The following BTBD9 variants were observed in gnomAD, a reference collection of about 807,000 sequenced individuals.
BTBD9 encodes the protein BTB/POZ domain-containing protein 9.
Under a neutral mutation model 64.3 loss-of-function variants are expected in BTBD9, and 49 were observed. The ratio of observed to expected loss-of-function variants is 0.76; its 90% CI spans 0.61 to 0.97. BTBD9 has a LOEUF of 0.97. Among genes scored for constraint, BTBD9 ranks in the 50% least tolerant of loss-of-function variants. The pLI, the probability that BTBD9 is intolerant of heterozygous loss-of-function variation, is 0.00. For missense variants in BTBD9, 598 were observed against 762.1 expected, an observed-to-expected ratio of 0.78 and a Z score of 2.53; for synonymous variants, 260 against 274.7, an observed-to-expected ratio of 0.95 and a Z score of 0.53.
chr6:38,410,904 A>T (rs2127257958), intron 6 of BTBD9, among the ~76,000 whole-genome samples: 1 of 152,274 alleles, frequency 6.6e-6, no homozygotes, highest in South Asian at 2.1e-4. Flanking sequence ...TCATGTCATG[A>T]ATTCACATAT....
intron 6 of BTBD9, among the ~76,000 whole-genome samples, chr6:38,516,736 T>C (rs907565512): frequency 6.6e-6 from 1 of 152,214 alleles, no homozygotes; most frequent in Non-Finnish European, 1.5e-5. Context: ...GTGTAGTATC[T>C]ATTAAGCAGT....
rs547645984 is a variant in BTBD9, at chr6:38,210,256, C to T, written c.1563-17659G>A. 2.6e-5 allele frequency among the ~76,000 whole-genome samples: 4 copies of T among 152,232 alleles called. No individual in the cohort carries two copies. The South Asian group carries it at 6.2e-4, about 24-fold the overall frequency. On this transcript the variant is annotated intron_variant, in intron 9 of 10. Transcript: ENST00000481247. ...TATTTAATTACATTTTAACTATATT[C>T]GTCTTCGATAATAGCACGAACATAA...
chr6:38,345,205 C>G (rs1442721125), intron 6 of BTBD9, 112 bp from the exon 7 acceptor site: 4 of 565,944 alleles, frequency 7.1e-6, no homozygotes, highest in African/African-American at 1.8e-5. Context: ...AGGATATAGA[C>G]CAAAGGAGAC....
chr6:38,564,635 T>C (rs1470722642), intron 6 of BTBD9, among the ~76,000 whole-genome samples: 1 of 152,114 alleles, frequency 6.6e-6, no homozygotes, highest in Non-Finnish European at 1.5e-5. Flanking sequence ...ACGCCTGTAA[T>C]CCCAGCACTT....
rs1766800472 is a variant in BTBD9 at position 38,171,880 on chromosome 6, A to AAAAAAAATAAT, written c.*3104_*3105insATTATTTTTTT. 1 of 89,560 alleles carries AAAAAAAATAAT rather than the reference A, an allele frequency of 1.1e-5. No homozygotes were observed. Among genetic ancestry groups the AAAAAAAATAAT allele is most frequent in the Non-Finnish European group, 2.0e-5 (1 of 50,206 alleles). The allele number at this position is 89,560 out of a possible 1,614,324, so 5.5% of individuals were successfully genotyped here. Reference sequence around the variant, plus strand: ...AAAAAAAAAAAAAAAAAAAAAAAAAAAATAATAATAATAATAATAATAATA... The same window carrying AAAAAAAATAAT: ...AAAAAAAAAAAAAAAAAAAAAAAAAAAAAAAAATAATAATAATAATAATAATAATAATAATA... On this transcript the variant is annotated 3_prime_UTR_variant, in exon 11 of 11. Transcript: ENST00000481247.
At chr6:38,606,520 G>A (rs543653564) in intron 1 of BTBD9, among the ~76,000 whole-genome samples, 137 of 152,122 alleles carry the variant, frequency 9.0e-4, no homozygotes, top group African/African-American at 3.1e-3. Context: ...TAAATCATTT[G>A]AAACATACAA....
At position 38,609,202 on chromosome 6, in the gene BTBD9, AAAAC is replaced by A. The variant is rs1234325665; in HGVS notation, c.-27-11085_-27-11082del. On this transcript the variant is annotated intron_variant, in intron 1 of 10. Coordinates refer to ENST00000481247, the MANE Select transcript of BTBD9 (RefSeq NM_001099272.2). Reference sequence around the variant, plus strand: ...CAACAAAATGAAACCTCATCTCTTCAAAACAAACAAACAAAAAACTAGCCAGGCA... The same window carrying A: ...CAACAAAATGAAACCTCATCTCTTCAAAACAAACAAAAAACTAGCCAGGCA... Among the ~76,000 whole-genome samples the A allele has an allele frequency of 2.0e-5, 3 of 152,242 alleles. No individual in the cohort carries two copies. In the South Asian group the frequency reaches 6.2e-4, roughly 32 times the overall value.
chr6:38,417,392 T>G lies in BTBD9; in HGVS notation c.1155-72299A>C, dbSNP rs1767714551. Among the ~76,000 whole-genome samples the G allele has an allele frequency of 2.0e-5, 3 of 152,196 alleles. No homozygotes were observed. In the South Asian group the frequency reaches 6.2e-4, roughly 32 times the overall value. ...CTAATTCACATGTAAAAGTTAACTG[T>G]TTTTAAATCCATATCCTTGCCTAGA... is the stretch of plus-strand genomic sequence containing the variant. On this transcript the variant is annotated intron_variant, in intron 6 of 10. Transcript: ENST00000481247.
At chr6:38,264,008 G>A (rs747590716) in intron 8 of BTBD9, among the ~76,000 whole-genome samples, 4 of 152,296 alleles carry the variant, frequency 2.6e-5, no homozygotes, top group Middle Eastern at 3.4e-3. Context: ...AGCAGGGGTG[G>A]TGGGAAACCT....
In BTBD9 at chr6:38,392,627, T is replaced by G. The variant is rs1471638055; in HGVS notation, c.1155-47534A>C. 2.0e-5 allele frequency among the ~76,000 whole-genome samples: 3 copies of G among 152,120 alleles called. No individual in the cohort carries two copies. In the East Asian group the frequency reaches 5.8e-4, roughly 29 times the overall value. Reference sequence around the variant, plus strand: ...CATTTGCCATACTAAAAAGAAAAAGTTTCAGAGATATAAAGTAACCTGTCC... The same window carrying G: ...CATTTGCCATACTAAAAAGAAAAAGGTTCAGAGATATAAAGTAACCTGTCC... On this transcript the variant is annotated intron_variant, in intron 6 of 10. Transcript: ENST00000481247.
At chr6:38,439,055 A>G (rs1768891138) in intron 6 of BTBD9, among the ~76,000 whole-genome samples, 1 of 151,850 alleles carries the variant, frequency 6.6e-6, no homozygotes. Flanking sequence ...AGACAGTCCA[A>G]GAGAAGACAG....
At position 38,619,683 on chromosome 6, in the gene BTBD9, A is replaced by C. The variant is rs188300192; in HGVS notation, c.-28+20117T>G. ...GTAAGTTTAATCATTGAGGGCCAGG[A>C]AATTGACTGTCTCCTGGACACTGGC... On this transcript the variant is annotated intron_variant, in intron 1 of 10. Transcript: ENST00000481247. Among the ~76,000 whole-genome samples, 244 of 152,324 alleles carry C rather than the reference A, an allele frequency of 1.6e-3. 3 individuals carry two copies. Among genetic ancestry groups the C allele is most frequent in the African/African-American group, 5.7e-3 (238 of 41,578 alleles).
intron 6 of BTBD9, among the ~76,000 whole-genome samples, chr6:38,547,561 A>G (rs1422690412): frequency 6.6e-6 from 1 of 152,178 alleles, no homozygotes; most frequent in African/African-American, 2.4e-5. Context: ...CTCCATCCAC[A>G]TTGTCCAACC....
intron 9 of BTBD9, among the ~76,000 whole-genome samples, chr6:38,200,267 G>A (rs1366880126): frequency 6.6e-6 from 1 of 152,188 alleles, no homozygotes; most frequent in African/African-American, 2.4e-5. Flanking sequence ...CACTGCAAAA[G>A]CAGTACTCAG....
chr6:38,215,580 T>C (rs1762986855), intron 9 of BTBD9, among the ~76,000 whole-genome samples: 2 of 152,240 alleles, frequency 1.3e-5, no homozygotes, highest in Non-Finnish European at 2.9e-5. Flanking sequence ...TAATCACAGC[T>C]GGCAAGTTAT....
At chr6:38,457,982 T>C (rs111421527) in intron 6 of BTBD9, among the ~76,000 whole-genome samples, 54 of 152,296 alleles carry the variant, frequency 3.5e-4, no homozygotes, top group African/African-American at 1.2e-3. Flanking sequence ...TATCATCATG[T>C]ATGTGGCGTA....
intron 10 of BTBD9, chr6:38,179,624 C>CT: frequency 2.2e-6 from 1 of 456,782 alleles, no homozygotes; most frequent in South Asian, 1.5e-5. Flanking sequence ...GCAGAGGCAC[C>CT]TCTGTGCAGG....
intron 7 of BTBD9, among the ~76,000 whole-genome samples, chr6:38,338,586 C>T (rs1325866389): frequency 6.6e-6 from 1 of 151,838 alleles, no homozygotes; most frequent in Non-Finnish European, 1.5e-5. Context: ...AGCTCTATGC[C>T]CTAGTTATTA....
chr6:38,446,259 C>T (rs1447831985), intron 6 of BTBD9, among the ~76,000 whole-genome samples: 1 of 151,980 alleles, frequency 6.6e-6, no homozygotes, highest in African/African-American at 2.4e-5. Flanking sequence ...TTTAAATGCA[C>T]CCTGTACTTC....
Sources: gnomAD v4.1 joint callset for allele counts (sites outside exome capture counted in the v4.1 genomes callset) on GRCh38, gnomAD v4.1.1 for gene constraint, MANE v1.5 for transcripts, NCBI Gene and HGNC (gene_info 2026-07-23, HGNC 2026-07-21) for gene names.